RANGAP1: variants seen among roughly 807,000 people sequenced by gnomAD.
RANGAP1 encodes Ran GTPase activating protein 1, also known as ran GTPase-activating protein 1.
Under a neutral mutation model 63.5 loss-of-function variants are expected in RANGAP1, and 38 were observed. That is an observed-to-expected ratio of 0.60 (90% CI 0.46 to 0.78). The LOEUF (loss-of-function observed/expected upper bound fraction) is 0.78. Among genes scored for constraint, RANGAP1 ranks in the 30% least tolerant of loss-of-function variants. The pLI is 0.00. For missense variants in RANGAP1, 630 were observed against 740.3 expected, an observed-to-expected ratio of 0.85 and a Z score of 1.73; for synonymous variants, 329 against 310.5, an observed-to-expected ratio of 1.06 and a Z score of -0.63.
chr22:41,274,567 C>A, intron 3 of RANGAP1, 33 bp downstream of exon 3: 2 of 1,611,764 alleles, frequency 1.2e-6, no homozygotes, highest in South Asian at 1.1e-5. Context: ...CTTGTTCAAA[C>A]CAGCCTGGGC....
chr22:41,280,218 G>A (rs761094490), intron 2 of RANGAP1, among the ~76,000 whole-genome samples: 5 of 152,338 alleles, frequency 3.3e-5, no homozygotes, highest in Admixed American at 2.6e-4. Context: ...CCGACCTGGA[G>A]AGGAGAACAA....
At chr22:41,247,803 AG>A (rs1320462827) in intron 15 of RANGAP1, among the ~76,000 whole-genome samples, 2 of 152,262 alleles carry the variant, frequency 1.3e-5, no homozygotes, top group African/African-American at 4.8e-5. Flanking sequence ...GATCTGCGCC[AG>A]GCCGGGCATC....
rs201728257 is a variant in RANGAP1 at position 41,280,987 on chromosome 22, C to G, written c.58G>C (p.Gly20Arg). 5 of 1,613,464 alleles carry G rather than the reference C, an allele frequency of 3.1e-6. No homozygotes were observed. Among genetic ancestry groups the G allele is most frequent in the Non-Finnish European group, 4.2e-6 (5 of 1,179,808 alleles). ...TTGCCTTTGAAACTCAGCTGTCCCC[C>G]GGCCACCTGAGTCTTGGCAAGTGTC... Reference protein sequence around the residue: ...AETLAKTQVAGGQLSFKGKSL... With the variant: ...AETLAKTQVARGQLSFKGKSL... The change falls in exon 2 of 16, where the codon GGG (glycine) becomes CGG (arginine). Residue 20 changes from glycine to arginine, a missense_variant. Coordinates refer to ENST00000356244, the MANE Select transcript of RANGAP1 (RefSeq NM_002883.4).
chr22:41,287,086 A>G (rs1270682183), upstream of RANGAP1, among the ~76,000 whole-genome samples: 1 of 152,240 alleles, frequency 6.6e-6, no homozygotes, highest in Admixed American at 6.5e-5. Context: ...AGATAATAGT[A>G]TTGTATCAAT....
upstream of RANGAP1, among the ~76,000 whole-genome samples, chr22:41,290,147 GAA>G (rs549026640): frequency 1.1e-4 from 13 of 115,432 alleles, no homozygotes; most frequent in South Asian, 2.9e-4. Flanking sequence ...CTGTCTCAAA[GAA>G]AAAAAAAAAA....
upstream of RANGAP1, among the ~76,000 whole-genome samples, chr22:41,290,147 G>GA (rs549026640): frequency 1.3e-3 from 145 of 115,456 alleles, no homozygotes; most frequent in Non-Finnish European, 1.8e-3. Context: ...CTGTCTCAAA[G>GA]AAAAAAAAAA....
At chr22:41,274,808 G>A (rs1397165492) in intron 2 of RANGAP1, 81 bp from the exon 3 acceptor site, 8 of 1,563,708 alleles carry the variant, frequency 5.1e-6, no homozygotes, top group Non-Finnish European at 7.0e-6. Flanking sequence ...CAACCACCTT[G>A]CCACTCAACA....
intron 2 of RANGAP1, among the ~76,000 whole-genome samples, chr22:41,275,422 G>A (rs1287375790): frequency 6.6e-6 from 1 of 151,854 alleles, no homozygotes; most frequent in African/African-American, 2.4e-5. Flanking sequence ...AACCTGGGAG[G>A]AGGAGGGTGC....
the RANGAP1 span, chr22:41,301,763 C>A: frequency 6.6e-6 from 1 of 151,902 alleles, no homozygotes. Flanking sequence ...GGGAGCGCAG[C>A]CCGGCGGAGG....
intron 10 of RANGAP1, 143 bp from the exon 11 acceptor site, chr22:41,254,637 G>A (rs1236506582): frequency 2.0e-5 from 29 of 1,481,352 alleles, no homozygotes; most frequent in Admixed American, 4.8e-5. Flanking sequence ...TCCCAGGGCA[G>A]GGGCAGGTGG....
chr22:41,265,947 A>C (rs1474734859), intron 4 of RANGAP1, among the ~76,000 whole-genome samples: 1 of 151,732 alleles, frequency 6.6e-6, no homozygotes, highest in African/African-American at 2.4e-5. Flanking sequence ...TCACGCCTGT[A>C]ATCCCAGCAC....
upstream of RANGAP1, among the ~76,000 whole-genome samples, chr22:41,288,660 A>T (rs1037400392): frequency 2.0e-5 from 3 of 152,102 alleles, no homozygotes; most frequent in Non-Finnish European, 4.4e-5. Context: ...GGAACATCTT[A>T]GCTGATCCCG....
chr22:41,268,232 T>C (rs1397315362), intron 3 of RANGAP1, 76 bp from the exon 4 acceptor site: 2 of 1,213,402 alleles, frequency 1.6e-6, no homozygotes, highest in East Asian at 5.1e-5. Flanking sequence ...TCCTGGTGGA[T>C]TTGAACTACC....
At chr22:41,263,918 G>A (rs1178079933) in intron 5 of RANGAP1, among the ~76,000 whole-genome samples, 1 of 152,264 alleles carries the variant, frequency 6.6e-6, no homozygotes, top group Non-Finnish European at 1.5e-5. Context: ...CCTATGCTGA[G>A]TCATGTGGAA....
At chr22:41,267,095 A>T (rs139524) in intron 4 of RANGAP1, among the ~76,000 whole-genome samples, 118,224 of 151,244 alleles carry the variant, frequency 0.78, 46,176 homozygotes, top group Admixed American at 0.82. Context: ...GCCAGGCTGG[A>T]CTTGAACTCC....
rs897902459 is a variant in RANGAP1 at position 41,245,355 on chromosome 22, T to C, written c.*1248A>G. Among the ~76,000 whole-genome samples the C allele has an allele frequency of 6.6e-6, 1 of 152,008 alleles. No individual in the cohort carries two copies. Among genetic ancestry groups the C allele is most frequent in the East Asian group, 1.9e-4 (1 of 5,172 alleles). ...AGGATCCCAAGGGAGGTGGCTTCCA[T>C]AGTGAAGGAGCAACGCAGAAGCCAA... On this transcript the variant is annotated 3_prime_UTR_variant, in exon 16 of 16. Transcript: ENST00000356244.
chr22:41,279,587 A>C (rs2035370582), intron 2 of RANGAP1, among the ~76,000 whole-genome samples: 1 of 151,862 alleles, frequency 6.6e-6, no homozygotes, highest in African/African-American at 2.4e-5. Context: ...GGTTAAAGTG[A>C]GCTGAGATTG....
rs1360599088 is a variant in RANGAP1, at chr22:41,281,092, C to G, written c.-38-10G>C. 1.3e-6 allele frequency: 2 copies of G among 1,527,646 alleles called. No individual in the cohort carries two copies. Among genetic ancestry groups the G allele is most frequent in the South Asian group, 2.6e-5 (2 of 76,902 alleles). The allele number at this position is 1,527,646 out of a possible 1,614,324, so 94.6% of individuals were successfully genotyped here. On this transcript the variant is annotated splice_polypyrimidine_tract_variant and intron_variant, in intron 1 of 15. Transcript: ENST00000356244. ...CCTGGAGATCTGCAGACTGAGGAGG[C>G]CAAAGTTGCAGTAAGAAAAAGGAGT...
At chr22:41,264,873 CAT>C (rs1569190815) in intron 4 of RANGAP1, 30 bp from the exon 5 acceptor site, 1 of 1,577,382 alleles carries the variant, frequency 6.3e-7, no homozygotes, top group South Asian at 1.1e-5. Flanking sequence ...GTGTCAGTTT[CAT>C]AGACACCCAG....
Sources: gnomAD v4.1 joint callset for allele counts (sites outside exome capture counted in the v4.1 genomes callset) on GRCh38, gnomAD v4.1.1 for gene constraint, MANE v1.5 for transcripts, NCBI Gene and HGNC (gene_info 2026-07-23, HGNC 2026-07-21) for gene names.